Variants in FOXK1 observed in about 807,000 individuals in gnomAD.
FOXK1 encodes the protein forkhead box protein K1.
Under a neutral mutation model 51.9 loss-of-function variants are expected in FOXK1, and 19 were observed. That is an observed-to-expected ratio of 0.37 (90% CI 0.26 to 0.54). FOXK1 has a LOEUF of 0.54. Among genes scored for constraint, FOXK1 ranks in the 20% least tolerant of loss-of-function variants. The pLI is 0.87. For synonymous variants in FOXK1, 537 were observed against 482.6 expected (o/e 1.11, Z -1.48); for missense variants, 870 against 1,032.7 (o/e 0.84, Z 2.16).
At chr7:4,687,089 T>G (rs866690023) in intron 1 of FOXK1, among the ~76,000 whole-genome samples, 1 of 151,158 alleles carries the variant, frequency 6.6e-6, no homozygotes, top group Non-Finnish European at 1.5e-5. Flanking sequence ...CCTGCCAGCA[T>G]GCCCAGCTAA....
intron 1 of FOXK1, among the ~76,000 whole-genome samples, chr7:4,690,203 A>G (rs945208796): frequency 3.3e-5 from 5 of 152,066 alleles, no homozygotes; most frequent in African/African-American, 1.2e-4. Context: ...GAAGGAAGGA[A>G]TGTTCCCGTT....
intron 1 of FOXK1, among the ~76,000 whole-genome samples, chr7:4,720,658 A>G (rs907968344): frequency 4.0e-5 from 6 of 151,554 alleles, no homozygotes; most frequent in Non-Finnish European, 7.4e-5. Context: ...CCTGAGAATT[A>G]GGCAGACCTG....
At chr7:4,694,868 C>T (rs534890416) in intron 1 of FOXK1, among the ~76,000 whole-genome samples, 3 of 152,138 alleles carry the variant, frequency 2.0e-5, no homozygotes, top group African/African-American at 4.8e-5. Context: ...TGGGATTAGT[C>T]GTCTACCTTC....
At position 4,759,333 on chromosome 7, in the gene FOXK1, A is replaced by G. The variant is rs754138347; in HGVS notation, c.1434A>G (p.Pro478=). ...SAPGSPVSAQ[P]VIMAVPPRPS... ...CAGGCTCCCCCGTCAGCGCCCAGCC[A>G]GTGATCATGGCCGTGCCTCCCCGAC... Residue 478 remains proline, a synonymous_variant, in exon 7 of 9, where the codon CCA becomes CCG. Transcript: ENST00000328914. 57 of 1,601,404 alleles carry G rather than the reference A, an allele frequency of 3.6e-5. No homozygotes were observed. In the South Asian group the frequency reaches 6.2e-4, roughly 17 times the overall value.
chr7:4,705,778 C>CCG (rs1554249324), intron 1 of FOXK1, among the ~76,000 whole-genome samples: 1 of 148,996 alleles, frequency 6.7e-6, no homozygotes, highest in Admixed American at 6.7e-5. Context: ...ACCTCGTGAC[C>CCG]CCCCCCCGCC....
chr7:4,725,562 C>T (rs532744928), intron 1 of FOXK1, among the ~76,000 whole-genome samples: 2 of 152,366 alleles, frequency 1.3e-5, no homozygotes, highest in Admixed American at 6.5e-5. Flanking sequence ...TTTGTGCGGC[C>T]GGGCCCCTCC....
At chr7:4,702,704 CT>C (rs774447158) in intron 1 of FOXK1, among the ~76,000 whole-genome samples, 8 of 152,152 alleles carry the variant, frequency 5.3e-5, no homozygotes, top group Non-Finnish European at 8.8e-5. Context: ...GTCGTGACAT[CT>C]TCTTCATGAT....
chr7:4,751,292 G>A (rs528816467), intron 2 of FOXK1, among the ~76,000 whole-genome samples: 1 of 146,038 alleles, frequency 6.8e-6, no homozygotes, highest in East Asian at 2.1e-4. Flanking sequence ...AAAGCATTGG[G>A]ATTACCAATC....
intron 1 of FOXK1, among the ~76,000 whole-genome samples, chr7:4,721,589 C>CTTTTTTTTTTTTTTTT (rs200132324): frequency 6.1e-4 from 69 of 112,640 alleles, no homozygotes; most frequent in African/African-American, 9.0e-4. Flanking sequence ...TCTTTTTTTT[C>CTTTTTTTTTTTTTTTT]TTTTTTTTTT....
Position 4,751,769 on chromosome 7 carries a change from C to A in FOXK1, c.747-2690C>A, listed in dbSNP as rs555703793. On this transcript the variant is annotated intron_variant, in intron 2 of 8. Transcript: ENST00000328914. ...AAACCTCAGAAGCTGCGCTGTCGTA[C>A]CTGTCCCGGCTGGAGTGACACCAGG... Among the ~76,000 whole-genome samples the A allele has an allele frequency of 6.6e-5, 10 of 152,382 alleles. No homozygotes were observed. The South Asian group carries it at 1.0e-3, about 16-fold the overall frequency.
rs564225359 is a variant in FOXK1, at chr7:4,711,048, G to A, written c.560+28180G>A. Among the ~76,000 whole-genome samples, 16 of 149,112 alleles carry A rather than the reference G, an allele frequency of 1.1e-4. No homozygotes were observed. The highest frequency in any genetic ancestry group is 7.2e-4 in the Admixed American group (11 of 15,192). The stretch of plus-strand genomic sequence containing the variant: ...GCAGAGCAGCCTGGCTTTAGAGAAC[G>A]CTTAGAGAAGATGGAGATGGATGGA... On this transcript the variant is annotated intron_variant, in intron 1 of 8. Transcript: ENST00000328914. The surrounding 1 kb of genome is among the most constrained non-coding windows in gnomAD (Gnocchi z 6.3).
In FOXK1 at chr7:4,715,050, C is replaced by A. The variant is rs1236068472; in HGVS notation, c.561-25788C>A. On this transcript the variant is annotated intron_variant, in intron 1 of 8. Coordinates refer to ENST00000328914, the MANE Select transcript of FOXK1 (RefSeq NM_001037165.2). The surrounding 1 kb of genome is among the most constrained non-coding windows in gnomAD (Gnocchi z 4.5). ...AATCAGAGGTTACATAGGCTTGGGG[C>A]GTAGCTTTTCTGATCAGATGAGTTT... Among the ~76,000 whole-genome samples, 3 of 152,082 alleles carry A rather than the reference C, an allele frequency of 2.0e-5. No individual in the cohort carries two copies. The highest frequency in any genetic ancestry group is 7.2e-5 in the African/African-American group (3 of 41,406).
rs1447645262 is a variant in FOXK1, at chr7:4,753,413, ATGGTTCTGGG to A, written c.747-1036_747-1027del. On this transcript the variant is annotated intron_variant, in intron 2 of 8. Coordinates refer to ENST00000328914, the MANE Select transcript of FOXK1 (RefSeq NM_001037165.2). This position sits in a 1 kb window ranked among gnomAD's most constrained non-coding sequence, Gnocchi z 4.9. ...GAATGGACCTTCTGGATGGTTCTGG[ATGGTTCTGGG>A]TGGTTCTGGATGGTTCTGGGTGGCC... Among the ~76,000 whole-genome samples the A allele has an allele frequency of 4.0e-5, 6 of 151,720 alleles. No homozygotes were observed. The highest frequency in any genetic ancestry group is 5.9e-5 in the Non-Finnish European group (4 of 67,934).
At position 4,767,421 on chromosome 7, in the gene FOXK1, C is replaced by T. The variant is rs915158372; in HGVS notation, c.*4957C>T. 3 of 152,276 alleles carry T rather than the reference C, an allele frequency of 2.0e-5. No homozygotes were observed. The highest frequency in any genetic ancestry group is 2.0e-4 in the Admixed American group (3 of 15,288). 9.4% of individuals were successfully genotyped at this position (152,276 alleles called of 1,614,324 possible). The stretch of plus-strand genomic sequence containing the variant: ...CCACCACGGGGACTGCGCCACACTC[C>T]TGATGAAAACGTGTTTACCCACAGC... On this transcript the variant is annotated 3_prime_UTR_variant, in exon 9 of 9. Transcript: ENST00000328914. The surrounding 1 kb of genome is among the most constrained non-coding windows in gnomAD (Gnocchi z 6.6).
intron 5 of FOXK1, among the ~76,000 whole-genome samples, chr7:4,757,469 A>G (rs1780870058): frequency 6.6e-6 from 1 of 151,850 alleles, no homozygotes; most frequent in African/African-American, 2.4e-5. Context: ...CCTCTACTAA[A>G]AAAATTCAAA....
intron 1 of FOXK1, among the ~76,000 whole-genome samples, chr7:4,724,615 T>C (rs1420100081): frequency 2.6e-5 from 4 of 152,236 alleles, no homozygotes; most frequent in Non-Finnish European, 5.9e-5. Context: ...GTGTGTGCGC[T>C]GCGTGGCTCC....
chr7:4,720,419 G>A (rs1403962000), intron 1 of FOXK1, among the ~76,000 whole-genome samples: 2 of 152,138 alleles, frequency 1.3e-5, no homozygotes, highest in Non-Finnish European at 2.9e-5. Context: ...TTCAGGTTGG[G>A]TAATCTTTAC....
At chr7:4,708,963 A>T (rs1780140280) in intron 1 of FOXK1, among the ~76,000 whole-genome samples, 1 of 151,618 alleles carries the variant, frequency 6.6e-6, no homozygotes, top group Non-Finnish European at 1.5e-5. Context: ...TACTCGGGAG[A>T]CTGAGGCAGG....
intron 1 of FOXK1, among the ~76,000 whole-genome samples, chr7:4,726,906 A>G (rs1271915628): frequency 6.6e-6 from 1 of 152,238 alleles, no homozygotes; most frequent in Non-Finnish European, 1.5e-5. Context: ...AGTACCTGGT[A>G]TATATAATAA....
Sources: gnomAD v4.1 joint callset for allele counts (sites outside exome capture counted in the v4.1 genomes callset) on GRCh38, gnomAD v4.1.1 for gene constraint, Gnocchi (gnomAD v3.1) non-coding constraint, MANE v1.5 for transcripts, NCBI Gene and HGNC (gene_info 2026-07-23, HGNC 2026-07-21) for gene names.